RGMB: variants seen among roughly 807,000 people sequenced by gnomAD.
RGMB encodes the protein repulsive guidance molecule B.
Under a neutral mutation model 26.9 loss-of-function variants are expected in RGMB, and 16 were observed. The ratio of observed to expected loss-of-function variants is 0.60; its 90% CI spans 0.40 to 0.90. RGMB has a LOEUF of 0.90. Among genes scored for constraint, RGMB ranks in the 40% least tolerant of loss-of-function variants. The probability of loss-of-function intolerance (pLI) is 0.00; values close to 1 mark genes in which losing one functional copy is unlikely to be tolerated. For synonymous variants in RGMB, 225 were observed against 229.3 expected, an observed-to-expected ratio of 0.98 and a Z score of 0.17; for missense variants, 512 against 573.3, an observed-to-expected ratio of 0.89 and a Z score of 1.09.
chr5:98,790,314 T>C (rs867143410), intron 2 of RGMB, among the ~76,000 whole-genome samples: 1 of 152,238 alleles, frequency 6.6e-6, no homozygotes, highest in African/African-American at 2.4e-5. Flanking sequence ...TCTACACATA[T>C]GCTCTGTGTG....
chr5:98,780,131 A>G (rs1296545874), intron 2 of RGMB, 43 bp downstream of exon 2: 1 of 1,548,172 alleles, frequency 6.5e-7, no homozygotes, highest in African/African-American at 1.4e-5. Context: ...TCAACTTTCA[A>G]AAGATGTTTG....
chr5:98,770,215 C>T (rs919824546), upstream of RGMB: 1 of 159,210 alleles, frequency 6.3e-6, no homozygotes, highest in Non-Finnish European at 1.4e-5. Flanking sequence ...CAGAGGAACC[C>T]CTTGGGCGAT....
At position 98,773,676 on chromosome 5, in the gene RGMB, G is replaced by A. The variant is rs1390277273; in HGVS notation, c.-395G>A. ...GGGGGCTGCCGCGCAGAGATATCCG[G>A]GCCGCCGGTGGGTGGTCGCTAGGGC... On this transcript the variant is annotated 5_prime_UTR_variant, in exon 1 of 3. Transcript: ENST00000513185. The A allele has an allele frequency of 2.8e-6, 1 of 357,200 alleles. No homozygotes were observed. Among genetic ancestry groups the A allele is most frequent in the Non-Finnish European group, 5.0e-6 (1 of 199,798 alleles). 22.1% of individuals were successfully genotyped at this position (357,200 alleles called of 1,614,324 possible). A position where few individuals can be genotyped will look rare whatever the true frequency, so the allele number is the denominator to read the frequency against.
Position 98,773,913 on chromosome 5 carries a change from G to A in RGMB, c.-158G>A. On this transcript the variant is annotated 5_prime_UTR_variant, in exon 1 of 3. Coordinates refer to ENST00000513185, the MANE Select transcript of RGMB (RefSeq NM_001366508.1). Reference sequence around the variant, plus strand: ...CTGCGCCGGCTGCGCGCTGCTTGCTGCGGCGGTGGTGGCGCCCCATCTGCT... The same window carrying A: ...CTGCGCCGGCTGCGCGCTGCTTGCTACGGCGGTGGTGGCGCCCCATCTGCT... 1 of 545,334 alleles carries A rather than the reference G, an allele frequency of 1.8e-6. No homozygotes were observed. 33.8% of individuals were successfully genotyped at this position (545,334 alleles called of 1,614,324 possible). A position where few individuals can be genotyped will look rare whatever the true frequency, so the allele number is the denominator to read the frequency against.
At chr5:98,787,972 A>G (rs1005218613) in intron 2 of RGMB, among the ~76,000 whole-genome samples, 7 of 152,066 alleles carry the variant, frequency 4.6e-5, no homozygotes, top group African/African-American at 1.5e-4. Flanking sequence ...TTCATTCTCT[A>G]TCTGCTGCCA....
At chr5:98,777,401 G>GT (rs1003764402) in intron 1 of RGMB, among the ~76,000 whole-genome samples, 1 of 151,852 alleles carries the variant, frequency 6.6e-6, no homozygotes, top group African/African-American at 2.4e-5. Context: ...TGCTTTCTGT[G>GT]TATCTGATTT....
intron 1 of RGMB, among the ~76,000 whole-genome samples, chr5:98,778,855 A>G (rs1188140678): frequency 2.0e-5 from 3 of 151,806 alleles, no homozygotes; most frequent in Admixed American, 1.3e-4. Context: ...TCCTAGGGTA[A>G]TGGAGATAGA....
intron 2 of RGMB, 122 bp downstream of exon 2, chr5:98,780,210 A>G (rs1746551750): frequency 1.2e-6 from 1 of 851,612 alleles, no homozygotes; most frequent in South Asian, 1.9e-5. Flanking sequence ...TTGAAAAGCA[A>G]TTAACAGTTG....
intron 1 of RGMB, 62 bp downstream of exon 1, chr5:98,774,268 C>T (rs1746307275): frequency 4.5e-6 from 6 of 1,333,494 alleles, no homozygotes; most frequent in Non-Finnish European, 5.7e-6. Flanking sequence ...CCCAAATAGC[C>T]CCAGGTCTCG....
chr5:98,789,584 T>C (rs1422556690), intron 2 of RGMB, among the ~76,000 whole-genome samples: 3 of 152,200 alleles, frequency 2.0e-5, no homozygotes, highest in Non-Finnish European at 4.4e-5. Context: ...GAAAGGTTGA[T>C]TTGTAGCTGC....
At chr5:98,771,258 T>C (rs1746152325), upstream of RGMB, 1 of 152,242 alleles carries the variant, frequency 6.6e-6, no homozygotes, top group Non-Finnish European at 1.5e-5. Flanking sequence ...ACACAAGTCA[T>C]CAGCCACTTC....
intron 1 of RGMB, among the ~76,000 whole-genome samples, 200 bp downstream of exon 1, chr5:98,774,406 G>C (rs78041503): frequency 0.038 from 5,767 of 152,314 alleles, 315 homozygotes; most frequent in African/African-American, 0.12. Context: ...GCCGGGCGCA[G>C]AGACGAGCCT....
Position 98,794,632 on chromosome 5 carries a change from T to C in RGMB, c.*879T>C, listed in dbSNP as rs1334404495. ...ATTTAGTAATTATCATGCCTTGCTC[T>C]TTTTAATCTATATGACTGATGCAAG... On this transcript the variant is annotated 3_prime_UTR_variant, in exon 3 of 3. Transcript: ENST00000513185. The C allele has an allele frequency of 1.3e-5, 2 of 152,174 alleles. No homozygotes were observed. The highest frequency in any genetic ancestry group is 2.9e-5 in the Non-Finnish European group (2 of 68,040). The allele number at this position is 152,174 out of a possible 1,614,324, so 9.4% of individuals were successfully genotyped here.
chr5:98,785,648 T>C (rs2040877133), intron 2 of RGMB, among the ~76,000 whole-genome samples: 1 of 152,230 alleles, frequency 6.6e-6, no homozygotes, highest in African/African-American at 2.4e-5. Flanking sequence ...ACCAAAAAGC[T>C]TTCTAGAATT....
chr5:98,781,860 G>T (rs1017021529), intron 2 of RGMB, among the ~76,000 whole-genome samples: 83 of 152,242 alleles, frequency 5.5e-4, no homozygotes, highest in Admixed American at 5.9e-4. Context: ...CTATATATAT[G>T]GAACAGTTTA....
chr5:98,775,687 G>A (rs1746377855), intron 1 of RGMB, among the ~76,000 whole-genome samples: 1 of 152,126 alleles, frequency 6.6e-6, no homozygotes, highest in Admixed American at 6.6e-5. Context: ...TTGCTAGCCC[G>A]TGAAAGGCAT....
At chr5:98,771,443 C>G (rs1244193043), upstream of RGMB, among the ~76,000 whole-genome samples, 1 of 152,166 alleles carries the variant, frequency 6.6e-6, no homozygotes, top group Non-Finnish European at 1.5e-5. Context: ...CTCTTGCTTT[C>G]CAAGCCAATT....
chr5:98,773,976 CG>C lies in RGMB; in HGVS notation c.-94del, dbSNP rs1368883055. On this transcript the variant is annotated 5_prime_UTR_variant, in exon 1 of 3. Coordinates refer to ENST00000513185, the MANE Select transcript of RGMB (RefSeq NM_001366508.1). ...AGAAGGAAGAAGAGGAAGCGAAGCG[CG>C]CCCCCCGGCCCATGCCGCAGCCACG... is the stretch of plus-strand genomic sequence containing the variant. 1 of 624,726 alleles carries C rather than the reference CG, an allele frequency of 1.6e-6. No individual in the cohort carries two copies. 38.7% of individuals were successfully genotyped at this position (624,726 alleles called of 1,614,324 possible).
In RGMB at chr5:98,778,272, C is replaced by T. The variant is rs902425174; in HGVS notation, c.137-1308C>T. 4.6e-5 allele frequency among the ~76,000 whole-genome samples: 7 copies of T among 152,102 alleles called. No homozygotes were observed. The East Asian group carries it at 1.3e-3, about 29-fold the overall frequency. The stretch of plus-strand genomic sequence containing the variant: ...TTTTAAGTCTTTATCAGATGGAGTT[C>T]CCTAAATCTTGATATCATCCTGAAG... On this transcript the variant is annotated intron_variant, in intron 1 of 2. Transcript: ENST00000513185.
Sources: gnomAD v4.1 joint callset for allele counts (sites outside exome capture counted in the v4.1 genomes callset) on GRCh38, gnomAD v4.1.1 for gene constraint, MANE v1.5 for transcripts, NCBI Gene and HGNC (gene_info 2026-07-23, HGNC 2026-07-21) for gene names.